Variants in ZNF334 observed in about 807,000 individuals in gnomAD.
The protein encoded by ZNF334 is zinc finger protein 334.
A neutral mutation model predicts 12.4 loss-of-function variants in ZNF334; 14 were observed. That is an observed-to-expected ratio of 1.13 (90% CI 0.74 to 1.76). The LOEUF (loss-of-function observed/expected upper bound fraction) is 1.76. Among genes scored for constraint, ZNF334 ranks in the 40% most tolerant of loss-of-function variants. The pLI is 0.00. For synonymous variants in ZNF334, 273 were observed against 269.6 expected, an observed-to-expected ratio of 1.01 and a Z score of -0.12; for missense variants, 797 against 804.5, an observed-to-expected ratio of 0.99 and a Z score of 0.11.
chr20:46,509,562 T>C (rs769342040), intron 2 of ZNF334: 4 of 702,858 alleles, frequency 5.7e-6, no homozygotes, highest in African/African-American at 1.7e-5. Context: ...AACCTTGAAA[T>C]AGTGCACAGA....
the ZNF334 span, among the ~76,000 whole-genome samples, chr20:46,479,345 CCCAGGCCCCCCAACAGACTGA>C: frequency 9.2e-5 from 14 of 152,122 alleles, no homozygotes; most frequent in Non-Finnish European, 2.1e-4. Flanking sequence ...AAACAAAAAT[CCCAGGCCCCCCAACAGACTGA>C]ACAGAGCCAA....
the ZNF334 span, among the ~76,000 whole-genome samples, chr20:46,462,443 T>G: frequency 6.6e-6 from 1 of 152,264 alleles, no homozygotes; most frequent in South Asian, 2.1e-4. Context: ...GAATGTAGTT[T>G]TGAATCACAT....
At chr20:46,494,719 C>G (rs1242935097), downstream of ZNF334, among the ~76,000 whole-genome samples, 2 of 152,182 alleles carry the variant, frequency 1.3e-5, no homozygotes, top group Non-Finnish European at 2.9e-5. Flanking sequence ...TACACGAAGA[C>G]TTTCCAACAC....
At chr20:46,509,667 ACTTCCAGGT>A (rs1337339892) in intron 2 of ZNF334, 5 of 702,830 alleles carry the variant, frequency 7.1e-6, no homozygotes, top group African/African-American at 1.7e-5. Context: ...ACTTGCGCAC[ACTTCCAGGT>A]TGCATCATCT....
chr20:46,503,772 C>T (rs376402020), intron 4 of ZNF334, among the ~76,000 whole-genome samples: 3 of 152,102 alleles, frequency 2.0e-5, no homozygotes, highest in East Asian at 3.9e-4. Context: ...CACCCTACTC[C>T]GGATCCTGGT....
chr20:46,509,758 C>A, intron 2 of ZNF334: 1 of 681,436 alleles, frequency 1.5e-6, no homozygotes, highest in Non-Finnish European at 2.7e-6. Context: ...AAGTCTAAAA[C>A]AGGAGGCAGC....
At chr20:46,464,357 A>G in the ZNF334 span, 4 of 516,968 alleles carry the variant, frequency 7.7e-6, no homozygotes, top group Non-Finnish European at 1.5e-5. Context: ...CTTGCTCTCA[A>G]ATAGCTTAGT....
chr20:46,502,416 AG>A lies in ZNF334; in HGVS notation c.922del (p.Ile309LeufsTer145), dbSNP rs1275859184. ...TCCATGAATTTTCTGGTGTACAATA[AG>A]GGCAGATTTGTCAATGAAGGTTTTC... ...CRKTFIDKSA[L>X]IVHQKIHGGE... is the part of the protein sequence containing the mutation. On this transcript the variant is annotated frameshift_variant, in exon 5 of 5. Coordinates refer to ENST00000692313, the MANE Select transcript of ZNF334 (RefSeq NM_001353824.2). LOFTEE classifies it low-confidence loss of function (END_TRUNC). 2 of 1,614,038 alleles carry A rather than the reference AG, an allele frequency of 1.2e-6. No individual in the cohort carries two copies. Among genetic ancestry groups the A allele is most frequent in the Admixed American group, 3.3e-5 (2 of 60,004 alleles).
chr20:46,501,679 A>G lies in ZNF334; in HGVS notation c.1660T>C (p.Cys554Arg), dbSNP rs1309562018. 6.2e-7 allele frequency: 1 copy of G among 1,613,998 alleles called. No individual in the cohort carries two copies. The highest frequency in any genetic ancestry group is 1.3e-5 in the African/African-American group (1 of 74,912). ...TGGTGAGTCAGGGCTGACTTCCTGC[A>G]GTAGGTTCTCCCACATTCATTGCAT... ...YECNECGRTY[C>R]RKSALTHHQR... The change falls in exon 5 of 5, where the codon TGC becomes CGC. Residue 554 changes from cysteine (C) to arginine (R), a missense_variant. Transcript: ENST00000692313.
chr20:46,511,588 G>C (rs2061652569), intron 2 of ZNF334, among the ~76,000 whole-genome samples: 1 of 152,118 alleles, frequency 6.6e-6, no homozygotes, highest in Non-Finnish European at 1.5e-5. Context: ...CATTATTTGA[G>C]GAACACTATT....
At position 46,504,289 on chromosome 20, in the gene ZNF334, G is replaced by C. The variant is rs1321960202; in HGVS notation, c.166C>G (p.Pro56Ala). 1 of 1,613,702 alleles carries C rather than the reference G, an allele frequency of 6.2e-7. No homozygotes were observed. Among genetic ancestry groups the C allele is most frequent in the African/African-American group, 1.3e-5 (1 of 74,990 alleles). ...LVSVGYHVSK[P>A]DVIFKLEQGE... ...TGCTCCAATTTGAAAATCACATCTGGTTTGCTAACATGATACCCTGTTAAT... is the reference window on the plus strand; with the variant it reads ...TGCTCCAATTTGAAAATCACATCTGCTTTGCTAACATGATACCCTGTTAAT... Residue 56 changes from proline (P) to alanine (A), a missense_variant, in exon 4 of 5, where the codon CCA becomes GCA. Physicochemically the swap from Pro to Ala is conservative, Grantham distance 27 (BLOSUM62 -1). Coordinates refer to ENST00000692313, the MANE Select transcript of ZNF334 (RefSeq NM_001353824.2).
chr20:46,464,657 C>T, the ZNF334 span: 3 of 433,538 alleles, frequency 6.9e-6, no homozygotes, highest in Admixed American at 8.5e-5. Flanking sequence ...CTACCCATTT[C>T]CATCTCTCCC....
At chr20:46,507,247 A>G (rs1430719933) in intron 2 of ZNF334, among the ~76,000 whole-genome samples, 6 of 152,066 alleles carry the variant, frequency 3.9e-5, no homozygotes, top group African/African-American at 1.4e-4. Context: ...AACAAGGGAA[A>G]GGGAAGGGGA....
the ZNF334 span, among the ~76,000 whole-genome samples, chr20:46,471,211 T>C: frequency 6.6e-6 from 1 of 152,222 alleles, no homozygotes; most frequent in Non-Finnish European, 1.5e-5. Context: ...TCATAATTAC[T>C]GATGAGGCTG....
chr20:46,482,255 A>C, the ZNF334 span, among the ~76,000 whole-genome samples: 1 of 152,206 alleles, frequency 6.6e-6, no homozygotes. Context: ...AGCAGTAAGA[A>C]ACATTAGCCT....
intron 2 of ZNF334, 112 bp downstream of exon 2, chr20:46,511,970 C>G (rs1027552379): frequency 9.5e-7 from 1 of 1,051,670 alleles, no homozygotes; most frequent in Non-Finnish European, 1.5e-6. Flanking sequence ...CAGTATTGAT[C>G]GAATACTCTT....
At chr20:46,480,178 CAG>C in the ZNF334 span, among the ~76,000 whole-genome samples, 1 of 152,122 alleles carries the variant, frequency 6.6e-6, no homozygotes, top group Non-Finnish European at 1.5e-5. Context: ...AAATATTTTA[CAG>C]AGTTTGGGTT....
intron 2 of ZNF334, chr20:46,505,249 C>G (rs1230886751): frequency 6.6e-6 from 1 of 152,258 alleles, no homozygotes; most frequent in African/African-American, 2.4e-5. Context: ...AATCTCTCCA[C>G]AGGAAAGGTT....
the ZNF334 span, among the ~76,000 whole-genome samples, chr20:46,463,068 G>A: frequency 6.6e-6 from 1 of 152,304 alleles, no homozygotes; most frequent in South Asian, 2.1e-4. Flanking sequence ...CCAACATGGC[G>A]AAACCCTGTC....
Sources: gnomAD v4.1 joint callset for allele counts (sites outside exome capture counted in the v4.1 genomes callset) on GRCh38, gnomAD v4.1.1 for gene constraint, MANE v1.5 for transcripts, NCBI Gene and HGNC (gene_info 2026-07-23, HGNC 2026-07-21) for gene names.